Variants in ALG1L2 observed in about 807,000 individuals in gnomAD.
ALG1L2 encodes putative glycosyltransferase ALG1L2.
ALG1L2 carries 32 observed loss-of-function variants against 29.0 expected under a neutral mutation model. The observed-to-expected ratio is 1.10, with a 90% CI of 0.83 to 1.48. The LOEUF (loss-of-function observed/expected upper bound fraction) is 1.48, where lower values mean the gene tolerates loss of function less well. Ranked by LOEUF, ALG1L2 falls within the 40% of genes most tolerant of loss-of-function variation. The pLI is 0.00. For synonymous variants in ALG1L2, 110 were observed against 109.5 expected, an observed-to-expected ratio of 1.00 and a Z score of -0.03; for missense variants, 318 against 274.1, an observed-to-expected ratio of 1.16 and a Z score of -1.13.
At chr3:130,097,453 AC>A (rs1935168807) in intron 7 of ALG1L2, among the ~76,000 whole-genome samples, 1 of 152,004 alleles carries the variant, frequency 6.6e-6, no homozygotes, top group Admixed American at 6.6e-5. Context: ...TTAGGACACA[AC>A]CCCACCTGCC....
intron 5 of ALG1L2, 46 bp downstream of exon 5, chr3:130,094,559 AG>A: frequency 3.6e-6 from 2 of 548,926 alleles, no homozygotes; most frequent in South Asian, 3.5e-5. Context: ...GGCCTTATGC[AG>A]GGGGAACAGG....
intron 4 of ALG1L2, among the ~76,000 whole-genome samples, 181 bp downstream of exon 4, chr3:130,093,341 G>A (rs1935060745): frequency 6.6e-6 from 1 of 152,038 alleles, no homozygotes; most frequent in African/African-American, 2.4e-5. Flanking sequence ...TCACAGCAGG[G>A]CAGGGAGCCC....
At chr3:130,091,590 G>A (rs769087775) in intron 2 of ALG1L2, among the ~76,000 whole-genome samples, 6 of 152,188 alleles carry the variant, frequency 3.9e-5, no homozygotes, top group East Asian at 1.9e-4. Flanking sequence ...GCAGAATCGC[G>A]TTTTGCAACA....
At chr3:130,097,997 A>G (rs938484344) in intron 7 of ALG1L2, among the ~76,000 whole-genome samples, 1 of 152,212 alleles carries the variant, frequency 6.6e-6, no homozygotes, top group African/African-American at 2.4e-5. Context: ...TAGAGGCCGG[A>G]AGGTGCTCCA....
chr3:130,083,241 C>T (rs531902388), intron 1 of ALG1L2, among the ~76,000 whole-genome samples: 27 of 143,328 alleles, frequency 1.9e-4, no homozygotes, highest in African/African-American at 5.4e-4. Flanking sequence ...GTCAGGAGTT[C>T]GAGACCAGCC....
intron 6 of ALG1L2, among the ~76,000 whole-genome samples, chr3:130,096,611 T>G (rs556547929): frequency 6.6e-6 from 1 of 152,100 alleles, no homozygotes; most frequent in African/African-American, 2.4e-5. Flanking sequence ...GTTAAATGAG[T>G]GTCATGCTGT....
At chr3:130,087,852 C>T (rs1934924899) in intron 1 of ALG1L2, among the ~76,000 whole-genome samples, 1 of 149,282 alleles carries the variant, frequency 6.7e-6, no homozygotes, top group African/African-American at 2.4e-5. Context: ...GCATGAACAT[C>T]AGTGCCCAGG....
At chr3:130,091,630 A>G in intron 2 of ALG1L2, 4 of 577,270 alleles carry the variant, frequency 6.9e-6, no homozygotes, top group Admixed American at 2.9e-5. Context: ...AGCCTGAAGT[A>G]TTTACTCTCT....
chr3:130,090,967 C>T (rs1217146261), intron 1 of ALG1L2: 1 of 401,454 alleles, frequency 2.5e-6, no homozygotes, highest in African/African-American at 2.1e-5. Flanking sequence ...AGTGCAGAGC[C>T]ATGTGTGTCT....
At chr3:130,096,252 A>G (rs1386735869) in intron 6 of ALG1L2, 89 bp downstream of exon 6, 8 of 1,468,016 alleles carry the variant, frequency 5.4e-6, no homozygotes, top group Non-Finnish European at 7.5e-6. Context: ...GCCCACAGTG[A>G]GGCCCTGCCC....
intron 6 of ALG1L2, among the ~76,000 whole-genome samples, chr3:130,096,796 C>A (rs1256009907): frequency 6.6e-6 from 1 of 152,204 alleles, no homozygotes; most frequent in Non-Finnish European, 1.5e-5. Context: ...ATGTCGGGAT[C>A]AAATCTGGTG....
At chr3:130,083,575 G>C (rs1333267197) in intron 1 of ALG1L2, among the ~76,000 whole-genome samples, 1 of 132,228 alleles carries the variant, frequency 7.6e-6, no homozygotes, top group African/African-American at 2.5e-5. Flanking sequence ...TTCCACATTT[G>C]AGTCCAGTGT....
chr3:130,096,606 A>G (rs1935139800), intron 6 of ALG1L2, among the ~76,000 whole-genome samples: 1 of 152,102 alleles, frequency 6.6e-6, no homozygotes, highest in Admixed American at 6.5e-5. Context: ...AATCAGTTAA[A>G]TGAGTGTCAT....
At chr3:130,086,879 C>T (rs1414312433) in intron 1 of ALG1L2, among the ~76,000 whole-genome samples, 1 of 151,598 alleles carries the variant, frequency 6.6e-6, no homozygotes. Context: ...ACCCCAAACC[C>T]CTTCTAGATA....
chr3:130,089,167 T>C (rs1336235291), intron 1 of ALG1L2, among the ~76,000 whole-genome samples: 1 of 152,278 alleles, frequency 6.6e-6, no homozygotes, highest in Non-Finnish European at 1.5e-5. Flanking sequence ...ACTAATCTTC[T>C]TCCAGGCAGT....
At chr3:130,093,979 C>A (rs1168146783) in intron 4 of ALG1L2, 8 of 249,642 alleles carry the variant, frequency 3.2e-5, no homozygotes, top group South Asian at 1.7e-4. Context: ...GGCTTGGAAC[C>A]CGCGCCATGT....
intron 1 of ALG1L2, 36 bp from the exon 2 acceptor site, chr3:130,091,225 G>T (rs143540238): frequency 1.5e-4 from 238 of 1,584,888 alleles, no homozygotes; most frequent in Non-Finnish European, 2.0e-4. Flanking sequence ...CTCCATGCTG[G>T]ACTAATGCAA....
At chr3:130,082,793 G>A (rs1934817656) in intron 1 of ALG1L2, among the ~76,000 whole-genome samples, 1 of 147,044 alleles carries the variant, frequency 6.8e-6, no homozygotes. Flanking sequence ...GGGGTCCGCA[G>A]TGCATGGGAG....
intron 1 of ALG1L2, among the ~76,000 whole-genome samples, chr3:130,083,221 G>A (rs1172065623): frequency 7.6e-5 from 11 of 144,022 alleles, no homozygotes; most frequent in African/African-American, 2.7e-4. Context: ...CGAGGTGGGT[G>A]GATCACAAGG....
Sources: gnomAD v4.1 joint callset for allele counts (sites outside exome capture counted in the v4.1 genomes callset) on GRCh38, gnomAD v4.1.1 for gene constraint, MANE v1.5 for transcripts, NCBI Gene and HGNC (gene_info 2026-07-23, HGNC 2026-07-21) for gene names.